Variants in WFDC1 observed in about 807,000 individuals in gnomAD.
WFDC1 encodes the protein WAP four-disulfide core domain protein 1.
Under a neutral mutation model 32.9 loss-of-function variants are expected in WFDC1, and 39 were observed. That is an observed-to-expected ratio of 1.19 (90% confidence interval 0.92 to 1.55). The LOEUF is 1.55. Ranked by LOEUF, WFDC1 falls within the 40% of genes most tolerant of loss-of-function variation. WFDC1 has a pLI of 0.00. For missense variants in WFDC1, 386 were observed against 309.5 expected (o/e 1.25, Z -1.85); for synonymous variants, 184 against 137.4 (o/e 1.34, Z -2.37).
chr16:84,317,536 G>A (rs1908033754), intron 2 of WFDC1: 1 of 151,896 alleles, frequency 6.6e-6, no homozygotes, highest in Admixed American at 6.6e-5. Flanking sequence ...CCTGCCTTTT[G>A]AAGGCCTTCC....
chr16:84,306,310 G>A (rs1907254560), intron 1 of WFDC1, among the ~76,000 whole-genome samples: 1 of 152,172 alleles, frequency 6.6e-6, no homozygotes, highest in Admixed American at 6.5e-5. Context: ...AAGAGATCAT[G>A]AGCTTCGGTC....
chr16:84,313,073 AC>A lies in WFDC1; in HGVS notation c.258del (p.Ser87ProfsTer19). The A allele has an allele frequency of 7.0e-7, 1 of 1,421,718 alleles. No homozygotes were observed. The highest frequency in any genetic ancestry group is 9.1e-7 in the Non-Finnish European group (1 of 1,092,934). The allele number at this position is 1,421,718 out of a possible 1,614,324, so 88.1% of individuals were successfully genotyped here. A position where few individuals can be genotyped will look rare whatever the true frequency, so the allele number is the denominator to read the frequency against. ...TGCCAGGCCGCGCGCTGTCAGGCGG[AC>A]TCCGAGTGCCCGCGGCACCGGCGCT... is the stretch of plus-strand genomic sequence containing the variant. ...GACQAARCQA[D>X]SECPRHRRCC... On this transcript the variant is annotated frameshift_variant, in exon 2 of 7. Coordinates refer to ENST00000219454, the MANE Select transcript of WFDC1 (RefSeq NM_021197.4). LOFTEE classifies it high-confidence loss of function.
At chr16:84,309,726 C>T (rs1400154926) in intron 1 of WFDC1, among the ~76,000 whole-genome samples, 1 of 152,068 alleles carries the variant, frequency 6.6e-6, no homozygotes, top group East Asian at 1.9e-4. Flanking sequence ...TCCTTCCTTG[C>T]CAATCCCTGT....
intron 1 of WFDC1, among the ~76,000 whole-genome samples, chr16:84,303,731 T>A (rs1237177645): frequency 6.6e-6 from 1 of 152,234 alleles, no homozygotes; most frequent in Non-Finnish European, 1.5e-5. Context: ...TGGTGTTTAG[T>A]ATACTCAGAG....
intron 2 of WFDC1, chr16:84,316,181 G>A (rs775047340): frequency 3.9e-5 from 6 of 152,190 alleles, no homozygotes; most frequent in South Asian, 2.1e-4. Flanking sequence ...AAGAACCATC[G>A]CGTCATTCCT....
chr16:84,309,367 G>C (rs771986649), intron 1 of WFDC1, among the ~76,000 whole-genome samples: 6 of 152,176 alleles, frequency 3.9e-5, no homozygotes, highest in Non-Finnish European at 8.8e-5. Flanking sequence ...TGGGGCCTTG[G>C]AGCACAGAGG....
chr16:84,308,706 T>C (rs374994361), intron 1 of WFDC1, among the ~76,000 whole-genome samples: 10 of 151,520 alleles, frequency 6.6e-5, no homozygotes, highest in African/African-American at 1.7e-4. Flanking sequence ...TTGGTGTAGA[T>C]GCCATCCTGA....
intron 1 of WFDC1, chr16:84,295,446 G>A (rs533804850): frequency 1.0e-5 from 5 of 484,218 alleles, no homozygotes; most frequent in African/African-American, 3.9e-5. Flanking sequence ...GGAGCATTCC[G>A]TCTCCCTGAT....
At chr16:84,306,954 A>T (rs1907298897) in intron 1 of WFDC1, among the ~76,000 whole-genome samples, 1 of 152,218 alleles carries the variant, frequency 6.6e-6, no homozygotes, top group South Asian at 2.1e-4. Context: ...CCCAAGGGTG[A>T]TGAGGTGTGT....
At chr16:84,315,864 G>A (rs1907917551) in intron 2 of WFDC1, among the ~76,000 whole-genome samples, 1 of 152,222 alleles carries the variant, frequency 6.6e-6, no homozygotes, top group African/African-American at 2.4e-5. Context: ...CCAGAGACAA[G>A]GACTTGGGCC....
intron 1 of WFDC1, among the ~76,000 whole-genome samples, chr16:84,298,728 C>T (rs1020176628): frequency 2.0e-5 from 3 of 152,158 alleles, no homozygotes; most frequent in Admixed American, 6.5e-5. Flanking sequence ...GGACTGGTCT[C>T]TTAGAGTGGG....
intron 1 of WFDC1, among the ~76,000 whole-genome samples, chr16:84,309,735 G>C (rs364836): frequency 0.79 from 120,691 of 151,962 alleles, 48,571 homozygotes; most frequent in East Asian, 0.98. Flanking sequence ...GCCAATCCCT[G>C]TTCCGGTGGC....
At chr16:84,320,635 A>G (rs1908252659) in intron 4 of WFDC1, among the ~76,000 whole-genome samples, 1 of 152,156 alleles carries the variant, frequency 6.6e-6, no homozygotes, top group African/African-American at 2.4e-5. Context: ...TTTGGCATGG[A>G]GTTTGGATGA....
In WFDC1 at chr16:84,313,077, C is replaced by G. The variant is rs1907738314; in HGVS notation, c.261C>G (p.Ser87=). Residue 87 remains serine (S), a synonymous_variant, in exon 2 of 7, where the codon TCC becomes TCG. Coordinates refer to ENST00000219454, the MANE Select transcript of WFDC1 (RefSeq NM_021197.4). ...AGGCCGCGCGCTGTCAGGCGGACTCCGAGTGCCCGCGGCACCGGCGCTGCT... is the reference window on the plus strand; with the variant it reads ...AGGCCGCGCGCTGTCAGGCGGACTCGGAGTGCCCGCGGCACCGGCGCTGCT... The part of the protein sequence containing the change: ...ACQAARCQAD[S]ECPRHRRCCY... 4.2e-6 allele frequency: 6 copies of G among 1,423,672 alleles called. No homozygotes were observed. In the South Asian group the frequency reaches 5.8e-5, roughly 14 times the overall value. 88.2% of individuals were successfully genotyped at this position (1,423,672 alleles called of 1,614,324 possible).
Position 84,294,955 on chromosome 16 carries a change from C to A in WFDC1, c.-17C>A. 5.0e-6 allele frequency: 8 copies of A among 1,607,206 alleles called. No individual in the cohort carries two copies. Among genetic ancestry groups the A allele is most frequent in the Admixed American group, 1.7e-5 (1 of 59,450 alleles). On this transcript the variant is annotated 5_prime_UTR_variant, in exon 1 of 7. Coordinates refer to ENST00000219454, the MANE Select transcript of WFDC1 (RefSeq NM_021197.4). Reference sequence around the variant, plus strand: ...CCTCTTCTGTGTGCGTCTGGAAGGTCGCTGCCCAGGGAGGAAATGCCTTTA... The same window carrying A: ...CCTCTTCTGTGTGCGTCTGGAAGGTAGCTGCCCAGGGAGGAAATGCCTTTA...
At chr16:84,310,190 GGGTGTGGGACATAGAAGCGGGGGT>G (rs1366768517) in intron 1 of WFDC1, among the ~76,000 whole-genome samples, 1 of 151,866 alleles carries the variant, frequency 6.6e-6, no homozygotes, top group African/African-American at 2.4e-5. Context: ...AAGGGAGGGT[GGGTGTGGGACATAGAAGCGGGGGT>G]GGTGTGGCCC....
At chr16:84,312,841 C>A in intron 1 of WFDC1, 120 bp from the exon 2 acceptor site, 3 of 533,934 alleles carry the variant, frequency 5.6e-6, no homozygotes, top group Non-Finnish European at 7.6e-6. Flanking sequence ...TGCTGTTTCT[C>A]ACAAGAGGAA....
intron 2 of WFDC1, among the ~76,000 whole-genome samples, chr16:84,314,380 A>C (rs1250947311): frequency 1.3e-5 from 2 of 152,138 alleles, no homozygotes; most frequent in Non-Finnish European, 2.9e-5. Flanking sequence ...TGCGGCAAGG[A>C]AGTCTTCTCC....
intron 1 of WFDC1, among the ~76,000 whole-genome samples, chr16:84,310,363 A>G (rs1362998620): frequency 1.3e-5 from 2 of 152,094 alleles, no homozygotes; most frequent in Non-Finnish European, 2.9e-5. Context: ...AAAGGCCTGG[A>G]GGTGACGGCG....
Sources: allele counts gnomAD v4.1 joint callset (sites outside exome capture counted in the v4.1 genomes callset), GRCh38; gene constraint gnomAD v4.1.1; transcripts MANE v1.5; gene names NCBI Gene and HGNC (gene_info 2026-07-23, HGNC 2026-07-21).